Variants in VIT observed in about 807,000 individuals in gnomAD.
VIT encodes the protein vitrin.
VIT carries 99 observed loss-of-function variants against 78.0 expected under a neutral mutation model. The observed-to-expected ratio is 1.27, with a 90% confidence interval of 1.08 to 1.50. VIT has a LOEUF of 1.50. Among genes scored for constraint, VIT ranks in the 40% most tolerant of loss-of-function variants. VIT has a pLI of 0.00. For synonymous variants in VIT, 374 were observed against 334.3 expected, an observed-to-expected ratio of 1.12 and a Z score of -1.29; for missense variants, 1,126 against 875.3, an observed-to-expected ratio of 1.29 and a Z score of -3.61.
intron 9 of VIT, among the ~76,000 whole-genome samples, chr2:36,780,478 A>C (rs1246806005): frequency 6.6e-6 from 1 of 152,256 alleles, no homozygotes; most frequent in Non-Finnish European, 1.5e-5. Flanking sequence ...ATGTTTAAGC[A>C]AGTCATAAAT....
chr2:36,723,149 T>G (rs981487796), intron 2 of VIT, among the ~76,000 whole-genome samples: 1 of 152,276 alleles, frequency 6.6e-6, no homozygotes, highest in Non-Finnish European at 1.5e-5. Flanking sequence ...AGGTTAGAGC[T>G]GAACACTTCA....
intron 5 of VIT, among the ~76,000 whole-genome samples, chr2:36,756,935 G>C (rs151334541): frequency 6.6e-6 from 1 of 152,170 alleles, no homozygotes; most frequent in East Asian, 1.9e-4. Context: ...GGCTTTTTAA[G>C]TGAAAATCAA....
At chr2:36,717,066 G>A (rs1288669218) in intron 2 of VIT, among the ~76,000 whole-genome samples, 4 of 151,566 alleles carry the variant, frequency 2.6e-5, no homozygotes, top group Non-Finnish European at 4.4e-5. Flanking sequence ...TAGTAGAGAC[G>A]GGGTTTCACC....
intron 4 of VIT, among the ~76,000 whole-genome samples, 161 bp from the exon 5 acceptor site, chr2:36,754,760 A>C (rs554274773): frequency 6.6e-6 from 1 of 152,180 alleles, no homozygotes; most frequent in Non-Finnish European, 1.5e-5. Context: ...CTGCTGGTGG[A>C]GGCACCATTC....
chr2:36,778,148 G>A (rs999949346), intron 9 of VIT, among the ~76,000 whole-genome samples: 1 of 152,228 alleles, frequency 6.6e-6, no homozygotes, highest in Non-Finnish European at 1.5e-5. Flanking sequence ...CATACTGTAT[G>A]TCAGATACTG....
chr2:36,757,370 G>A (rs969282973), intron 5 of VIT, among the ~76,000 whole-genome samples: 2 of 152,208 alleles, frequency 1.3e-5, no homozygotes, highest in Non-Finnish European at 1.5e-5. Context: ...GATATGAAAT[G>A]TCAGTGAGGG....
chr2:36,777,078 G>C (rs1314283463), intron 9 of VIT, among the ~76,000 whole-genome samples: 8 of 48,674 alleles, frequency 1.6e-4, no homozygotes, highest in Non-Finnish European at 5.6e-4. Flanking sequence ...GACAGAGCGA[G>C]ACTCTGTCTC....
At chr2:36,755,974 T>TTTTTG (rs1668737562) in intron 5 of VIT, among the ~76,000 whole-genome samples, 3 of 149,678 alleles carry the variant, frequency 2.0e-5, no homozygotes, top group Admixed American at 6.7e-5. Context: ...TTTTTTTTTT[T>TTTTTG]GAGACGGAGT....
chr2:36,808,006 G>T (rs940379407), intron 14 of VIT, among the ~76,000 whole-genome samples: 2 of 152,184 alleles, frequency 1.3e-5, no homozygotes, highest in South Asian at 4.1e-4. Context: ...ATCCCTTCCC[G>T]CCTGGAACAG....
At chr2:36,745,224 G>A (rs1258901140) in intron 4 of VIT, among the ~76,000 whole-genome samples, 1 of 151,872 alleles carries the variant, frequency 6.6e-6, no homozygotes, top group East Asian at 1.9e-4. Flanking sequence ...CTGTAGCCTT[G>A]TAGTATTAAG....
intron 2 of VIT, among the ~76,000 whole-genome samples, chr2:36,727,827 G>C (rs1410625329): frequency 2.0e-5 from 3 of 152,238 alleles, no homozygotes; most frequent in Non-Finnish European, 4.4e-5. Flanking sequence ...AGCCTACTGA[G>C]CCGCCAGCTG....
intron 12 of VIT, among the ~76,000 whole-genome samples, chr2:36,797,971 C>A (rs2276669): frequency 6.6e-6 from 1 of 151,690 alleles, no homozygotes; most frequent in Non-Finnish European, 1.5e-5. Flanking sequence ...AGGGTGGGCA[C>A]GATTGGGGCT....
intron 1 of VIT, among the ~76,000 whole-genome samples, chr2:36,707,839 T>G (rs1405162851): frequency 6.9e-6 from 1 of 145,794 alleles, no homozygotes; most frequent in Admixed American, 7.0e-5. Context: ...TGGCTCACAT[T>G]TTCTGCCAGA....
chr2:36,799,575 G>GT (rs1204515082), intron 12 of VIT, among the ~76,000 whole-genome samples: 2 of 152,104 alleles, frequency 1.3e-5, no homozygotes, highest in Non-Finnish European at 2.9e-5. Context: ...AAAATTTGCT[G>GT]GGTGTGGTGG....
chr2:36,737,979 G>C (rs1284693803), intron 3 of VIT, among the ~76,000 whole-genome samples: 2 of 152,216 alleles, frequency 1.3e-5, no homozygotes. Context: ...ATTTTCAGTT[G>C]AGTAGACTCT....
At chr2:36,710,734 C>T (rs550856085) in intron 1 of VIT, among the ~76,000 whole-genome samples, 4 of 152,138 alleles carry the variant, frequency 2.6e-5, no homozygotes, top group South Asian at 2.1e-4. Context: ...ATGTATCAAT[C>T]GTTCATTCCT....
intron 7 of VIT, among the ~76,000 whole-genome samples, chr2:36,771,727 C>A (rs62132485): frequency 2.0e-5 from 3 of 151,846 alleles, no homozygotes; most frequent in Admixed American, 6.6e-5. Flanking sequence ...ATTATCAACC[C>A]GGGGTGAGAA....
intron 9 of VIT, among the ~76,000 whole-genome samples, chr2:36,777,155 T>C (rs1038393099): frequency 5.1e-5 from 6 of 117,778 alleles, no homozygotes; most frequent in African/African-American, 1.5e-4. Context: ...GTTAAACAAA[T>C]TGTCAGTATT....
intron 6 of VIT, among the ~76,000 whole-genome samples, chr2:36,760,361 CA>C (rs1279315823): frequency 5.3e-5 from 8 of 151,910 alleles, no homozygotes; most frequent in Non-Finnish European, 1.2e-4. Flanking sequence ...GGAGCCTTAG[CA>C]TACAAATAAG....
Sources: gnomAD v4.1 joint callset for allele counts (sites outside exome capture counted in the v4.1 genomes callset) on GRCh38, gnomAD v4.1.1 for gene constraint, MANE v1.5 for transcripts, NCBI Gene and HGNC (gene_info 2026-07-23, HGNC 2026-07-21) for gene names.